The following CEP97 variants were observed in gnomAD, a reference collection of about 807,000 sequenced individuals.
CEP97 encodes centrosomal protein of 97 kDa.
CEP97 carries 43 observed loss-of-function variants against 73.1 expected under a neutral mutation model. The ratio of observed to expected loss-of-function variants is 0.59; its 90% CI spans 0.46 to 0.76. CEP97 has a LOEUF of 0.76. Ranked by LOEUF, CEP97 falls within the 30% of genes least tolerant of loss-of-function variation. The pLI is 0.00. For synonymous variants in CEP97, 337 were observed against 370.0 expected (o/e 0.91, Z 1.02); for missense variants, 939 against 1,014.0 (o/e 0.93, Z 1.00).
intron 6 of CEP97, among the ~76,000 whole-genome samples, chr3:101,749,318 A>G (rs1311438058): frequency 1.3e-5 from 2 of 150,776 alleles, no homozygotes; most frequent in Non-Finnish European, 3.0e-5. Flanking sequence ...TACAAAGGAC[A>G]TGAACTCATC....
In CEP97 at chr3:101,765,157, A is replaced by C; in HGVS notation, c.2204A>C (p.Asn735Thr). ...TEGSESSIMG[N>T]SIDTVRYGKE... ...GGCAGTGAAAGCTCCATAATGGGGAATTCCATTGACACAGTCAGATATGGC... is the reference window on the plus strand; with the variant it reads ...GGCAGTGAAAGCTCCATAATGGGGACTTCCATTGACACAGTCAGATATGGC... Residue 735 changes from asparagine (N) to threonine (T), a missense_variant, in exon 11 of 11, where the codon AAT (asparagine) becomes ACT (threonine). Asn to Thr is a moderately conservative substitution (Grantham distance 65). Transcript: ENST00000341893. The C allele has an allele frequency of 6.2e-7, 1 of 1,614,248 alleles. No individual in the cohort carries two copies. Among genetic ancestry groups the C allele is most frequent in the Non-Finnish European group, 8.5e-7 (1 of 1,180,044 alleles).
chr3:101,756,729 G>A (rs1939015733), intron 7 of CEP97, among the ~76,000 whole-genome samples: 1 of 151,884 alleles, frequency 6.6e-6, no homozygotes, highest in South Asian at 2.1e-4. Context: ...TACTTAAGAG[G>A]TATATCTGCC....
At chr3:101,741,612 T>C (rs1380418769) in intron 6 of CEP97, among the ~76,000 whole-genome samples, 1 of 152,150 alleles carries the variant, frequency 6.6e-6, no homozygotes, top group Admixed American at 6.5e-5. Context: ...TATGAACAGA[T>C]ATTTCTCAAA....
intron 7 of CEP97, among the ~76,000 whole-genome samples, chr3:101,756,827 T>G (rs1488566900): frequency 1.3e-5 from 2 of 152,194 alleles, no homozygotes; most frequent in Admixed American, 1.3e-4. Context: ...TGCCTTTAAA[T>G]GTTTTTGTAT....
intron 7 of CEP97, among the ~76,000 whole-genome samples, chr3:101,756,246 A>G (rs1420418988): frequency 6.6e-6 from 1 of 151,618 alleles, no homozygotes; most frequent in African/African-American, 2.4e-5. Context: ...TTTAGTAGAG[A>G]TGGGTTTTTG....
At position 101,769,907 on chromosome 3, in the gene CEP97, C is replaced by T. The variant is rs900213520; in HGVS notation, c.*4356C>T. 6.6e-6 allele frequency: 1 copy of T among 152,122 alleles called. No individual in the cohort carries two copies. The highest frequency in any genetic ancestry group is 2.4e-5 in the African/African-American group (1 of 41,434). 9.4% of individuals were successfully genotyped at this position (152,122 alleles called of 1,614,324 possible). ...GCCTTGGAAAGAAATAGATAATTGT[C>T]TTCTTAAGATGAGGTGCTTTTTATC... is the stretch of plus-strand genomic sequence containing the variant. On this transcript the variant is annotated 3_prime_UTR_variant, in exon 11 of 11. Coordinates refer to ENST00000341893, the MANE Select transcript of CEP97 (RefSeq NM_024548.4).
At chr3:101,740,078 C>A (rs1023098813) in intron 6 of CEP97, among the ~76,000 whole-genome samples, 1 of 152,110 alleles carries the variant, frequency 6.6e-6, no homozygotes, top group Non-Finnish European at 1.5e-5. Flanking sequence ...ACAGGGATGC[C>A]CTCTCTTACC....
intron 6 of CEP97, among the ~76,000 whole-genome samples, chr3:101,752,390 A>G (rs1362348492): frequency 3.3e-5 from 5 of 151,948 alleles, no homozygotes; most frequent in East Asian, 1.9e-4. Context: ...TGCTCTTCTC[A>G]AGGAGTATCT....
intron 1 of CEP97, 86 bp downstream of exon 1, chr3:101,724,805 T>A: frequency 1.4e-6 from 2 of 1,408,868 alleles, no homozygotes; most frequent in South Asian, 2.3e-5. Flanking sequence ...GGTTTAGATG[T>A]GCAGTTCTGG....
rs371762816 is a variant in CEP97, at chr3:101,758,223, G to A, written c.1617G>A (p.Met539Ile). 1.2e-6 allele frequency: 2 copies of A among 1,614,184 alleles called. No individual in the cohort carries two copies. ...AAGCAACTTCAGAGAAACTTCCCAT[G>A]ATTTTAACCCAGAGATCTGTTGCTT... is the stretch of plus-strand genomic sequence containing the variant. The part of the protein sequence containing the change: ...ISQATSEKLP[M>I]ILTQRSVALG... Residue 539 changes from methionine to isoleucine, a missense_variant, in exon 9 of 11, where the codon ATG becomes ATA. Coordinates refer to ENST00000341893, the MANE Select transcript of CEP97 (RefSeq NM_024548.4).
chr3:101,727,695 C>T (rs1311632831), intron 3 of CEP97, among the ~76,000 whole-genome samples, 154 bp downstream of exon 3: 1 of 152,102 alleles, frequency 6.6e-6, no homozygotes, highest in Non-Finnish European at 1.5e-5. Flanking sequence ...CATTTTGAAA[C>T]ATATAATATG....
At chr3:101,751,867 A>G (rs907995202) in intron 6 of CEP97, among the ~76,000 whole-genome samples, 2 of 152,126 alleles carry the variant, frequency 1.3e-5, no homozygotes, top group Admixed American at 6.5e-5. Flanking sequence ...TTTTTATCCA[A>G]TTTGCCAGTC....
chr3:101,725,850 G>C (rs996865391), intron 1 of CEP97, among the ~76,000 whole-genome samples: 3 of 151,128 alleles, frequency 2.0e-5, no homozygotes, highest in Non-Finnish European at 4.4e-5. Flanking sequence ...TATGACCCAG[G>C]CGATGTTCTC....
Position 101,727,461 on chromosome 3 carries a change from C to G in CEP97, c.265C>G (p.His89Asp). The G allele has an allele frequency of 6.2e-7, 1 of 1,613,880 alleles. No homozygotes were observed. Among genetic ancestry groups the G allele is most frequent in the Non-Finnish European group, 8.5e-7 (1 of 1,179,888 alleles). Residue 89 changes from histidine to aspartate, a missense_variant, in exon 3 of 11, where the codon CAT becomes GAT. Coordinates refer to ENST00000341893, the MANE Select transcript of CEP97 (RefSeq NM_024548.4). ...GTTGCTTCGTGTATTAAATTTGCCT[C>G]ATAATAGCATTGGCTGTGTGGAAGG... ...LTLLRVLNLP[H>D]NSIGCVEGLK...
At chr3:101,742,817 A>G (rs1938500748) in intron 6 of CEP97, among the ~76,000 whole-genome samples, 1 of 152,116 alleles carries the variant, frequency 6.6e-6, no homozygotes, top group Non-Finnish European at 1.5e-5. Flanking sequence ...ATTTTTAAGA[A>G]TTGTAGAAGT....
chr3:101,746,742 A>G (rs1185260286), intron 6 of CEP97, among the ~76,000 whole-genome samples: 3 of 152,206 alleles, frequency 2.0e-5, no homozygotes, highest in Non-Finnish European at 4.4e-5. Flanking sequence ...TCAACAGGCA[A>G]CCTACAAAAT....
In CEP97 at chr3:101,745,649, C is replaced by T. The variant is rs374700200; in HGVS notation, c.729-9781C>T. Among the ~76,000 whole-genome samples, 106 of 151,926 alleles carry T rather than the reference C, an allele frequency of 7.0e-4. 3 individuals are homozygous for T. The highest frequency in any genetic ancestry group is 5.1e-4 in the African/African-American group (21 of 41,432). On this transcript the variant is annotated intron_variant, in intron 6 of 10. Coordinates refer to ENST00000341893, the MANE Select transcript of CEP97 (RefSeq NM_024548.4). ...AATGAACATCTATGTACCCACCATG[C>T]GGCTTCAACAATTGTCAATATTCTG...
At chr3:101,726,055 A>G (rs1452877136) in intron 1 of CEP97, among the ~76,000 whole-genome samples, 1 of 152,196 alleles carries the variant, frequency 6.6e-6, no homozygotes, top group Non-Finnish European at 1.5e-5. Flanking sequence ...AAAGTGCCTT[A>G]TTGAGTGCCC....
rs1468464655 is a variant in CEP97 at position 101,768,477 on chromosome 3, GA to G, written c.*2928del. 6.6e-6 allele frequency: 1 copy of G among 152,176 alleles called. No homozygotes were observed. The highest frequency in any genetic ancestry group is 2.4e-5 in the African/African-American group (1 of 41,448). 9.4% of individuals were successfully genotyped at this position (152,176 alleles called of 1,614,324 possible). A position where few individuals can be genotyped will look rare whatever the true frequency, so the allele number is the denominator to read the frequency against. ...AACTAATTCCTTCAGAACCCTGAGT[GA>G]ATTTTTTCTAAGAAATGTGACTTGA... On this transcript the variant is annotated 3_prime_UTR_variant, in exon 11 of 11. Coordinates refer to ENST00000341893, the MANE Select transcript of CEP97 (RefSeq NM_024548.4).
Sources: allele counts gnomAD v4.1 joint callset (sites outside exome capture counted in the v4.1 genomes callset), GRCh38; gene constraint gnomAD v4.1.1; transcripts MANE v1.5; gene names NCBI Gene and HGNC (gene_info 2026-07-23, HGNC 2026-07-21).